PTPN13: variants seen among roughly 807,000 people sequenced by gnomAD.
PTPN13 encodes the protein tyrosine-protein phosphatase non-receptor type 13.
In PTPN13, 191 loss-of-function variants were observed where a neutral mutation model predicts 284.0. The observed-to-expected ratio is 0.67, with a 90% CI of 0.60 to 0.76. The LOEUF (loss-of-function observed/expected upper bound fraction) is 0.76. Ranked by LOEUF, PTPN13 falls within the 30% of genes least tolerant of loss-of-function variation. The probability of loss-of-function intolerance (pLI) is 0.00; values close to 1 mark genes in which losing one functional copy is unlikely to be tolerated. For missense variants in PTPN13, 2,797 were observed against 2,939.9 expected, an observed-to-expected ratio of 0.95 and a Z score of 1.12; for synonymous variants, 986 against 1,022.3, an observed-to-expected ratio of 0.96 and a Z score of 0.68.
chr4:86,704,132 C>T (rs562261859), intron 7 of PTPN13, among the ~76,000 whole-genome samples: 120 of 152,118 alleles, frequency 7.9e-4, no homozygotes, highest in Non-Finnish European at 1.3e-3. Context: ...TGCAGTGAAC[C>T]GAGATCGCGC....
intron 6 of PTPN13, among the ~76,000 whole-genome samples, chr4:86,696,925 T>C (rs149380009): frequency 3.4e-4 from 52 of 152,194 alleles, no homozygotes; most frequent in Middle Eastern, 6.8e-3. Flanking sequence ...CCATCAGTGC[T>C]TTGCACAGTA....
chr4:86,702,124 C>T (rs1731231858), intron 7 of PTPN13, among the ~76,000 whole-genome samples: 1 of 152,132 alleles, frequency 6.6e-6, no homozygotes, highest in South Asian at 2.1e-4. Context: ...TTAAATTCTC[C>T]ACCATACCGT....
chr4:86,600,157 A>G (rs1764168880), intron 1 of PTPN13, among the ~76,000 whole-genome samples: 1 of 152,074 alleles, frequency 6.6e-6, no homozygotes, highest in Admixed American at 6.5e-5. Context: ...CATTTCCTTG[A>G]AAAAAATGAG....
At chr4:86,758,136 AAAATAT>A in intron 20 of PTPN13, 118 bp from the exon 21 acceptor site, 1 of 567,714 alleles carries the variant, frequency 1.8e-6, no homozygotes, top group Non-Finnish European at 3.0e-6. Flanking sequence ...CAGTAAACTT[AAAATAT>A]ATGTTTAAGT....
In PTPN13 at chr4:86,762,953, G is replaced by C; in HGVS notation, c.3780G>C (p.Gln1260His). The C allele has an allele frequency of 6.2e-7, 1 of 1,613,874 alleles. No individual in the cohort carries two copies. The highest frequency in any genetic ancestry group is 8.5e-7 in the Non-Finnish European group (1 of 1,179,844). The change falls in exon 24 of 48, where the codon CAG (glutamine) becomes CAC (histidine). Residue 1260 changes from glutamine (Q) to histidine (H), a missense_variant. Coordinates refer to ENST00000411767, the MANE Select transcript of PTPN13 (RefSeq NM_080683.3). ...RTESASLSQSQVNGFFASHLG... is the reference protein window; with the variant it reads ...RTESASLSQSHVNGFFASHLG... ...AGAGTGCCAGCTTGTCTCAAAGCCAGGTCAATGGTTTCTTTGCCAGCCATT... is the reference window on the plus strand; with the variant it reads ...AGAGTGCCAGCTTGTCTCAAAGCCACGTCAATGGTTTCTTTGCCAGCCATT...
intron 6 of PTPN13, among the ~76,000 whole-genome samples, chr4:86,697,960 A>T (rs1226094524): frequency 6.6e-6 from 1 of 152,178 alleles, no homozygotes; most frequent in Non-Finnish European, 1.5e-5. Context: ...TATATTCTTG[A>T]AATCTTACCC....
At position 86,768,646 on chromosome 4, in the gene PTPN13, A is replaced by G. The variant is rs578260408; in HGVS notation, c.4489+670A>G. ...CACAGACTATATTATTTTTTCCTGA[A>G]TATGAAAATAAAATTAATGTACTCA... On this transcript the variant is annotated intron_variant, in intron 28 of 47. Coordinates refer to ENST00000411767, the MANE Select transcript of PTPN13 (RefSeq NM_080683.3). Among the ~76,000 whole-genome samples, 125 of 152,186 alleles carry G rather than the reference A, an allele frequency of 8.2e-4. No homozygotes were observed. In the South Asian group the frequency reaches 0.025, roughly 31 times the overall value.
intron 9 of PTPN13, among the ~76,000 whole-genome samples, chr4:86,718,455 C>CTTTTTTTTTTTTTTTTTTTTTTTTTTTTT (rs796389778): frequency 4.3e-5 from 6 of 140,158 alleles, no homozygotes; most frequent in Non-Finnish European, 4.8e-5. Context: ...TAATGGTCCA[C>CTTTTTTTTTTTTTTTTTTTTTTTTTTTTT]TTTTTTTTTT....
chr4:86,681,102 A>G (rs1290931816), intron 3 of PTPN13, among the ~76,000 whole-genome samples: 1 of 152,208 alleles, frequency 6.6e-6, no homozygotes, highest in Non-Finnish European at 1.5e-5. Flanking sequence ...TTAAGAGCAG[A>G]GAGAGGGACA....
chr4:86,652,244 G>C (rs1444845812), intron 2 of PTPN13, among the ~76,000 whole-genome samples: 1 of 151,924 alleles, frequency 6.6e-6, no homozygotes, highest in Non-Finnish European at 1.5e-5. Flanking sequence ...AGTTATTTTA[G>C]TTATTATTTT....
At chr4:86,749,967 C>T (rs1034381934) in intron 17 of PTPN13, among the ~76,000 whole-genome samples, 6 of 152,284 alleles carry the variant, frequency 3.9e-5, no homozygotes, top group Non-Finnish European at 7.3e-5. Context: ...TCACCATCAC[C>T]GCAATCTGCC....
rs745985239 is a variant in PTPN13, at chr4:86,635,375, AGCT to A, written c.115+21_115+23del. 19 of 1,584,822 alleles carry A rather than the reference AGCT, an allele frequency of 1.2e-5. No homozygotes were observed. Among genetic ancestry groups the A allele is most frequent in the South Asian group, 3.5e-5 (3 of 86,552 alleles). ...CTCCAAGAATTATTCAGAAAAGGTA[AGCT>A]GCTGCTGCTGCTGCTGTTGTTGTTG... On this transcript the variant is annotated splice_donor_5th_base_variant and intron_variant, in intron 2 of 47. Transcript: ENST00000411767.
intron 3 of PTPN13, among the ~76,000 whole-genome samples, chr4:86,686,005 A>G (rs1159710670): frequency 2.0e-5 from 3 of 152,242 alleles, no homozygotes; most frequent in East Asian, 1.9e-4. Flanking sequence ...GGAATTCTAT[A>G]TACCATTTAA....
intron 2 of PTPN13, among the ~76,000 whole-genome samples, chr4:86,669,923 A>C (rs575980046): frequency 1.3e-5 from 2 of 152,110 alleles, no homozygotes; most frequent in Non-Finnish European, 2.9e-5. Flanking sequence ...CCTAACTTAG[A>C]TTCGGGACTT....
chr4:86,768,467 C>T (rs534011734), intron 28 of PTPN13, among the ~76,000 whole-genome samples: 1 of 152,216 alleles, frequency 6.6e-6, no homozygotes, highest in Non-Finnish European at 1.5e-5. Flanking sequence ...TTAAGAATGA[C>T]AGTGGCTTTC....
In PTPN13 at chr4:86,741,619, G is replaced by T. The variant is rs777756161; in HGVS notation, c.2305-15G>T. 6.2e-7 allele frequency: 1 copy of T among 1,605,290 alleles called. No homozygotes were observed. The highest frequency in any genetic ancestry group is 8.5e-7 in the Non-Finnish European group (1 of 1,172,662). Reference sequence around the variant, plus strand: ...TACCAAAGTGTATTGCTATGGTATGGTATTATTCCAACAGGTCTGCCAAAG... The same window carrying T: ...TACCAAAGTGTATTGCTATGGTATGTTATTATTCCAACAGGTCTGCCAAAG... On this transcript the variant is annotated splice_polypyrimidine_tract_variant and intron_variant, in intron 15 of 47. Coordinates refer to ENST00000411767, the MANE Select transcript of PTPN13 (RefSeq NM_080683.3).
chr4:86,640,736 A>G (rs554390685), intron 2 of PTPN13, among the ~76,000 whole-genome samples: 1 of 152,296 alleles, frequency 6.6e-6, no homozygotes, highest in East Asian at 1.9e-4. Context: ...ACATTTCATA[A>G]TGTTAATAGA....
At chr4:86,785,438 G>A in intron 39 of PTPN13, 70 bp downstream of exon 39, 3 of 1,319,506 alleles carry the variant, frequency 2.3e-6, no homozygotes, top group East Asian at 2.5e-5. Context: ...CATTTTTTGA[G>A]TAAATATGTA....
chr4:86,686,748 G>T lies in PTPN13; in HGVS notation c.333G>T (p.Gly111=), dbSNP rs1412802765. The T allele has an allele frequency of 1.6e-5, 26 of 1,580,364 alleles. No individual in the cohort carries two copies. The highest frequency in any genetic ancestry group is 2.3e-5 in the East Asian group (1 of 43,996). The change falls in exon 4 of 48, where the codon GGG becomes GGT. Residue 111 remains glycine (G), a synonymous_variant. Coordinates refer to ENST00000411767, the MANE Select transcript of PTPN13 (RefSeq NM_080683.3). ...CTCTTGGAATGACACTGTATTGGGG[G>T]GCTGATTATGAAGTGCCTCAGAGCC... The part of the protein sequence containing the change: ...IYSLGMTLYW[G]ADYEVPQSQP...
Sources: allele counts gnomAD v4.1 joint callset (sites outside exome capture counted in the v4.1 genomes callset), GRCh38; gene constraint gnomAD v4.1.1; transcripts MANE v1.5; gene names NCBI Gene and HGNC (gene_info 2026-07-23, HGNC 2026-07-21).